Variants in HBS1L observed in about 807,000 individuals in gnomAD.
HBS1L encodes HBS1 like translational GTPase.
In HBS1L, 55 loss-of-function variants were observed where a neutral mutation model predicts 88.9. That is an observed-to-expected ratio of 0.62 (90% CI 0.50 to 0.77). The LOEUF (loss-of-function observed/expected upper bound fraction) is 0.77. Among genes scored for constraint, HBS1L ranks in the 30% least tolerant of loss-of-function variants. The pLI, the probability that HBS1L is intolerant of heterozygous loss-of-function variation, is 0.00. For missense variants in HBS1L, 741 were observed against 829.3 expected (o/e 0.89, Z 1.31); for synonymous variants, 267 against 288.5 (o/e 0.93, Z 0.76).
chr6:134,970,600 G>A (rs1430269401), intron 15 of HBS1L, among the ~76,000 whole-genome samples: 1 of 152,152 alleles, frequency 6.6e-6, no homozygotes, highest in East Asian at 1.9e-4. Flanking sequence ...TGTTTTATAT[G>A]TAAGGAAAAT....
chr6:135,027,454 G>A (rs140332587), intron 4 of HBS1L, among the ~76,000 whole-genome samples: 263 of 152,034 alleles, frequency 1.7e-3, no homozygotes, highest in Middle Eastern at 6.8e-3. Flanking sequence ...GCTTAAAAAC[G>A]AAATGAAAAT....
At chr6:135,036,594 T>C in intron 4 of HBS1L, 1 of 1,515,742 alleles carries the variant, frequency 6.6e-7, no homozygotes, top group Non-Finnish European at 8.8e-7. Context: ...GATTAGCTTT[T>C]ACAATGTCAT....
At chr6:135,018,793 C>G (rs1258889861) in intron 4 of HBS1L, among the ~76,000 whole-genome samples, 1 of 151,866 alleles carries the variant, frequency 6.6e-6, no homozygotes, top group Non-Finnish European at 1.5e-5. Context: ...AAAACCCACA[C>G]TAAACAAATA....
Position 134,997,491 on chromosome 6 carries a change from C to G in HBS1L, c.705G>C (p.Val235=). Residue 235 remains valine (V), a synonymous_variant, in exon 6 of 18, where the codon GTG becomes GTC. Coordinates refer to ENST00000367837, the MANE Select transcript of HBS1L (RefSeq NM_006620.4). ...SEEQSSTPAP[V]KKSGKLRQQI... ...GCTGCCTCAGCTTGCCAGACTTTTT[C>G]ACCGGTGCTGGGGTTGAACTCTGCT... 2.5e-6 allele frequency: 4 copies of G among 1,614,068 alleles called. No homozygotes were observed. Among genetic ancestry groups the G allele is most frequent in the Non-Finnish European group, 3.4e-6 (4 of 1,179,982 alleles).
chr6:135,033,145 GAATAT>G (rs1776437109), intron 4 of HBS1L, among the ~76,000 whole-genome samples: 1 of 152,040 alleles, frequency 6.6e-6, no homozygotes, highest in Non-Finnish European at 1.5e-5. Flanking sequence ...ATATCATTTA[GAATAT>G]AATTACAATA....
chr6:135,026,602 A>C (rs1388741628), intron 4 of HBS1L, among the ~76,000 whole-genome samples: 1 of 152,194 alleles, frequency 6.6e-6, no homozygotes. Flanking sequence ...AGTACAGGAG[A>C]TACAACTAAA....
intron 8 of HBS1L, among the ~76,000 whole-genome samples, chr6:134,989,788 A>G (rs1220423722): frequency 6.6e-6 from 1 of 152,180 alleles, no homozygotes; most frequent in Non-Finnish European, 1.5e-5. Flanking sequence ...ACTGAACATT[A>G]ATTTCCTCAA....
Position 135,054,766 on chromosome 6 carries a change from A to C in HBS1L, c.-75T>G. 1 of 1,568,846 alleles carries C rather than the reference A, an allele frequency of 6.4e-7. No individual in the cohort carries two copies. Among genetic ancestry groups the C allele is most frequent in the Non-Finnish European group, 8.7e-7 (1 of 1,144,968 alleles). On this transcript the variant is annotated 5_prime_UTR_variant, in exon 1 of 18. Transcript: ENST00000367837. ...TCCGCTTAGATACTGATAAGGCGCC[A>C]ACTGCAGCCTGGAGAACCCCTATGC... is the stretch of plus-strand genomic sequence containing the variant.
chr6:134,983,317 C>G (rs1326533538), intron 12 of HBS1L: 1 of 152,044 alleles, frequency 6.6e-6, no homozygotes, highest in African/African-American at 2.4e-5. Flanking sequence ...AATATTGTGA[C>G]CGGAGAAGTA....
At chr6:135,013,544 A>G (rs1264702721) in intron 4 of HBS1L, among the ~76,000 whole-genome samples, 1 of 152,224 alleles carries the variant, frequency 6.6e-6, no homozygotes, top group South Asian at 2.1e-4. Flanking sequence ...AAGGAATTTA[A>G]GCGTTGGAGA....
intron 4 of HBS1L, among the ~76,000 whole-genome samples, chr6:135,011,929 A>C (rs1289811405): frequency 6.9e-6 from 1 of 144,544 alleles, no homozygotes; most frequent in African/African-American, 2.5e-5. Flanking sequence ...AAAAAAAAGG[A>C]GTTCCTACAA....
rs1257358835 is a variant in HBS1L at position 135,037,530 on chromosome 6, T to C, written c.430+2043A>G. 5.2e-6 allele frequency: 8 copies of C among 1,550,870 alleles called. No homozygotes were observed. In the Admixed American group the frequency reaches 9.8e-5, roughly 19 times the overall value. On this transcript the variant is annotated intron_variant, in intron 4 of 17. Coordinates refer to ENST00000367837, the MANE Select transcript of HBS1L (RefSeq NM_006620.4). ...CTAAACTGTCCTGTACTGGAATGTT[T>C]TGAAAATCAGACAGTGAATTATTTT...
At chr6:134,978,493 CT>C (rs1175048760) in intron 15 of HBS1L, among the ~76,000 whole-genome samples, 185 bp downstream of exon 15, 7 of 151,696 alleles carry the variant, frequency 4.6e-5, no homozygotes, top group Admixed American at 1.3e-4. Flanking sequence ...AGTCCTCAGG[CT>C]CAAAGATCAA....
In HBS1L at chr6:135,000,214, C is replaced by A. The variant is rs1775410430; in HGVS notation, c.539+2520G>T. On this transcript the variant is annotated intron_variant, in intron 5 of 17. Coordinates refer to ENST00000367837, the MANE Select transcript of HBS1L (RefSeq NM_006620.4). ...GGGACCACAGGCAAGCACCACTATA[C>A]CCAGCTAATTTTTTTTTTTTTTTGG... 2.5e-5 allele frequency among the ~76,000 whole-genome samples: 3 copies of A among 121,168 alleles called. No individual in the cohort carries two copies. The South Asian group carries it at 7.4e-4, about 30-fold the overall frequency. The allele number at this position is 121,168 out of a possible 152,430, so 79.5% of individuals were successfully genotyped here.
chr6:134,966,488 A>G lies in HBS1L; in HGVS notation c.1899-15T>C, dbSNP rs1774320033. ...TAGTCAAAAACCTATTAAGAAAAAA[A>G]AAGAACAAATGAATATATGATAGAG... On this transcript the variant is annotated splice_polypyrimidine_tract_variant and intron_variant, in intron 16 of 17. Coordinates refer to ENST00000367837, the MANE Select transcript of HBS1L (RefSeq NM_006620.4). The G allele has an allele frequency of 4.5e-6, 7 of 1,556,174 alleles. No homozygotes were observed. In the East Asian group the frequency reaches 1.6e-4, roughly 35 times the overall value.
rs199796994 is a variant in HBS1L at position 135,009,552 on chromosome 6, C to CA, written c.431-6711dup. Among the ~76,000 whole-genome samples the CA allele has an allele frequency of 1.3e-3, 201 of 149,470 alleles. 2 individuals are homozygous for CA. The highest frequency in any genetic ancestry group is 4.2e-3 in the African/African-American group (170 of 40,842). ...TAAAGTTTAAAAAAATGGCTTTTTTCAAAAAAAAAGATCTTTTGCAGATTA... is the reference window on the plus strand; with the variant it reads ...TAAAGTTTAAAAAAATGGCTTTTTTCAAAAAAAAAAGATCTTTTGCAGATTA... On this transcript the variant is annotated intron_variant, in intron 4 of 17. Transcript: ENST00000367837.
At chr6:134,991,289 T>A (rs1775130374) in intron 8 of HBS1L, among the ~76,000 whole-genome samples, 1 of 152,158 alleles carries the variant, frequency 6.6e-6, no homozygotes, top group South Asian at 2.1e-4. Context: ...ACACTTTAAA[T>A]TATCTCTAGA....
chr6:135,043,671 C>T (rs546215959), intron 2 of HBS1L, among the ~76,000 whole-genome samples: 1 of 152,128 alleles, frequency 6.6e-6, no homozygotes, highest in Non-Finnish European at 1.5e-5. Flanking sequence ...CAGAAGTAAC[C>T]AATGAAGACT....
chr6:135,032,012 C>A (rs1023290615), intron 4 of HBS1L, among the ~76,000 whole-genome samples: 2 of 151,708 alleles, frequency 1.3e-5, no homozygotes, highest in Admixed American at 6.6e-5. Flanking sequence ...GCAATTACAT[C>A]ACCAATATTC....
Sources: gnomAD v4.1 joint callset for allele counts (sites outside exome capture counted in the v4.1 genomes callset) on GRCh38, gnomAD v4.1.1 for gene constraint, MANE v1.5 for transcripts, NCBI Gene and HGNC (gene_info 2026-07-23, HGNC 2026-07-21) for gene names.